Variants in GDI2 observed in about 807,000 individuals in gnomAD.
GDI2 encodes the protein rab GDP dissociation inhibitor beta.
A neutral mutation model predicts 54.2 loss-of-function variants in GDI2; 22 were observed. The observed-to-expected ratio is 0.41, with a 90% CI of 0.29 to 0.58. The LOEUF (loss-of-function observed/expected upper bound fraction) is 0.58. GDI2 is among the 20% of genes least tolerant of loss of function. GDI2 has a pLI of 0.35. For synonymous variants in GDI2, 177 were observed against 182.1 expected (o/e 0.97, Z 0.23); for missense variants, 422 against 546.0 (o/e 0.77, Z 2.26).
At chr10:5,803,321 C>CT (rs1332026779) in intron 1 of GDI2, among the ~76,000 whole-genome samples, 1 of 152,034 alleles carries the variant, frequency 6.6e-6, no homozygotes, top group Non-Finnish European at 1.5e-5. Flanking sequence ...ACTCAAGAGG[C>CT]TGAGAGGTGG....
In GDI2 at chr10:5,813,414, T is replaced by G; in HGVS notation, c.-156A>C. Reference sequence around the variant, plus strand: ...CGACAAGGCGAGACCGACCGCCACCTCAGACGGGAAGAGAAGAACTGGGCG... The same window carrying G: ...CGACAAGGCGAGACCGACCGCCACCGCAGACGGGAAGAGAAGAACTGGGCG... On this transcript the variant is annotated 5_prime_UTR_variant, in exon 1 of 11. Coordinates refer to ENST00000380191, the MANE Select transcript of GDI2 (RefSeq NM_001494.4). The G allele has an allele frequency of 2.8e-6, 1 of 356,828 alleles. No homozygotes were observed. The highest frequency in any genetic ancestry group is 9.0e-5 in the East Asian group (1 of 11,076). The allele number at this position is 356,828 out of a possible 1,614,324, so 22.1% of individuals were successfully genotyped here. A position where few individuals can be genotyped will look rare whatever the true frequency, so the allele number is the denominator to read the frequency against.
At chr10:5,796,235 A>C (rs2131709616) in intron 3 of GDI2, among the ~76,000 whole-genome samples, 1 of 152,124 alleles carries the variant, frequency 6.6e-6, no homozygotes, top group South Asian at 2.1e-4. Flanking sequence ...CTGTAATCCC[A>C]GCTACTTGGG....
At chr10:5,794,167 T>C (rs1841079460) in intron 4 of GDI2, among the ~76,000 whole-genome samples, 1 of 30,760 alleles carries the variant, frequency 3.3e-5, no homozygotes. Context: ...ACTCTGTCTT[T>C]AAAAGAAAAA....
intron 1 of GDI2, among the ~76,000 whole-genome samples, chr10:5,808,023 C>T (rs907940195): frequency 6.6e-6 from 1 of 152,122 alleles, no homozygotes; most frequent in African/African-American, 2.4e-5. Flanking sequence ...TTTTGATATA[C>T]CTTCCTAGTG....
chr10:5,774,328 C>G lies in GDI2; in HGVS notation c.720-387G>C, dbSNP rs551430419. On this transcript the variant is annotated intron_variant, in intron 6 of 10. Coordinates refer to ENST00000380191, the MANE Select transcript of GDI2 (RefSeq NM_001494.4). This position sits in a 1 kb window ranked among gnomAD's most constrained non-coding sequence, Gnocchi z 4.8. ...ATTCTTTCTTCTGAGGAGAAAAGAACTGAGGTTGCTGCAGACCCGTACGGA... is the reference window on the plus strand; with the variant it reads ...ATTCTTTCTTCTGAGGAGAAAAGAAGTGAGGTTGCTGCAGACCCGTACGGA... Among the ~76,000 whole-genome samples the G allele has an allele frequency of 6.6e-6, 1 of 152,200 alleles. No individual in the cohort carries two copies. The highest frequency in any genetic ancestry group is 2.4e-5 in the African/African-American group (1 of 41,552).
At chr10:5,789,748 C>G (rs1016576243) in intron 4 of GDI2, among the ~76,000 whole-genome samples, 1 of 152,162 alleles carries the variant, frequency 6.6e-6, no homozygotes, top group Non-Finnish European at 1.5e-5. Context: ...AATTTAATCA[C>G]AAAACTTAGG....
intron 5 of GDI2, among the ~76,000 whole-genome samples, chr10:5,785,588 C>A (rs1407662364): frequency 6.6e-6 from 1 of 152,104 alleles, no homozygotes. Context: ...GTTGGCCAGG[C>A]TGGTCTTGAA....
At chr10:5,784,647 C>T (rs1840832914) in intron 6 of GDI2, among the ~76,000 whole-genome samples, 1 of 152,222 alleles carries the variant, frequency 6.6e-6, no homozygotes, top group Non-Finnish European at 1.5e-5. Flanking sequence ...TCCCCTTTCC[C>T]CTAGGGATGG....
intron 1 of GDI2, among the ~76,000 whole-genome samples, chr10:5,808,703 A>G (rs1841427838): frequency 2.7e-5 from 3 of 111,322 alleles, no homozygotes; most frequent in African/African-American, 6.3e-5. Flanking sequence ...TTATTAAAAA[A>G]AAAAAAAAAA....
intron 6 of GDI2, among the ~76,000 whole-genome samples, chr10:5,775,664 T>C (rs72772358): frequency 6.6e-6 from 1 of 152,008 alleles, no homozygotes. Flanking sequence ...AGCGAAGGAA[T>C]CCACCAGAAA....
At chr10:5,781,272 TA>T (rs34473822) in intron 6 of GDI2, among the ~76,000 whole-genome samples, 38,465 of 131,988 alleles carry the variant, frequency 0.29, 5,115 homozygotes, top group Admixed American at 0.34. Context: ...ATAAAACTTC[TA>T]AAAAAAAAAA....
chr10:5,800,073 C>T (rs1841234653), intron 2 of GDI2, among the ~76,000 whole-genome samples: 1 of 152,084 alleles, frequency 6.6e-6, no homozygotes, highest in South Asian at 2.1e-4. Flanking sequence ...CACATCATAT[C>T]CATATACGTA....
intron 4 of GDI2, among the ~76,000 whole-genome samples, chr10:5,794,188 A>AAAATAT (rs1448053813): frequency 2.0e-4 from 8 of 40,346 alleles, no homozygotes; most frequent in Non-Finnish European, 2.9e-4. Context: ...AAAAAAAAAA[A>AAAATAT]ATATATATAT....
chr10:5,791,337 C>T (rs957233456), intron 4 of GDI2, among the ~76,000 whole-genome samples: 10 of 152,066 alleles, frequency 6.6e-5, no homozygotes, highest in Non-Finnish European at 1.2e-4. Flanking sequence ...GGGCCGGGCA[C>T]AGTGGCTCAC....
At chr10:5,780,237 CAAA>C (rs973736600) in intron 6 of GDI2, among the ~76,000 whole-genome samples, 2 of 129,088 alleles carry the variant, frequency 1.5e-5, no homozygotes, top group African/African-American at 5.7e-5. Flanking sequence ...AACAAACAAA[CAAA>C]AAAACAGACC....
chr10:5,801,483 C>G (rs991546463), intron 1 of GDI2, among the ~76,000 whole-genome samples: 4 of 151,922 alleles, frequency 2.6e-5, no homozygotes, highest in Non-Finnish European at 5.9e-5. Flanking sequence ...GCAAGACCAG[C>G]CTCACCAACA....
At position 5,771,406 on chromosome 10, in the gene GDI2, T is replaced by G. The variant is rs576681786; in HGVS notation, c.819+2436A>C. 1.9e-3 allele frequency among the ~76,000 whole-genome samples: 287 copies of G among 152,326 alleles called. 1 individual carries two copies. The highest frequency in any genetic ancestry group is 6.4e-3 in the African/African-American group (267 of 41,574). On this transcript the variant is annotated intron_variant, in intron 7 of 10. Transcript: ENST00000380191. ...CAAGGACATTTTTGCTTATTTGTGG[T>G]GGCAGACATCACGAAATTATGCACA...
chr10:5,793,759 C>T (rs1054050975), intron 4 of GDI2, among the ~76,000 whole-genome samples: 1 of 152,100 alleles, frequency 6.6e-6, no homozygotes, highest in Non-Finnish European at 1.5e-5. Context: ...TCTTGAAGAA[C>T]AAAAAGGTCT....
At chr10:5,811,145 A>G (rs1490158479) in intron 1 of GDI2, among the ~76,000 whole-genome samples, 2 of 152,168 alleles carry the variant, frequency 1.3e-5, no homozygotes, top group Admixed American at 6.5e-5. Context: ...AGGATATATG[A>G]TTTCTCATTA....
Sources: allele counts gnomAD v4.1 joint callset (sites outside exome capture counted in the v4.1 genomes callset), GRCh38; gene constraint gnomAD v4.1.1; non-coding constraint Gnocchi (gnomAD v3.1); transcripts MANE v1.5; gene names NCBI Gene and HGNC (gene_info 2026-07-23, HGNC 2026-07-21).